The following DHX8 variants were observed in gnomAD, a reference collection of about 807,000 sequenced individuals.
The protein encoded by DHX8 is DEAH-box helicase 8, also known as ATP-dependent RNA helicase DHX8.
Under a neutral mutation model 140.7 loss-of-function variants are expected in DHX8, and 67 were observed. The ratio of observed to expected loss-of-function variants is 0.48; its 90% confidence interval spans 0.39 to 0.58. The LOEUF is 0.58. Among genes scored for constraint, DHX8 ranks in the 20% least tolerant of loss-of-function variants. The probability of loss-of-function intolerance (pLI) is 0.00; values close to 1 mark genes in which losing one functional copy is unlikely to be tolerated. For synonymous variants in DHX8, 533 were observed against 553.2 expected (o/e 0.96, Z 0.51); for missense variants, 887 against 1,550.7 (o/e 0.57, Z 7.19).
At chr17:43,504,342 A>C (rs1969372183) in intron 11 of DHX8, among the ~76,000 whole-genome samples, 1 of 152,140 alleles carries the variant, frequency 6.6e-6, no homozygotes, top group South Asian at 2.1e-4. Flanking sequence ...TGGATGACAG[A>C]GCAAGACCCT....
In DHX8 at chr17:43,504,707, A is replaced by G; in HGVS notation, c.1610A>G (p.Glu537Gly). 1 of 1,614,152 alleles carries G rather than the reference A, an allele frequency of 6.2e-7. No individual in the cohort carries two copies. Among genetic ancestry groups the G allele is most frequent in the Middle Eastern group, 1.6e-4 (1 of 6,062 alleles). The change falls in exon 12 of 23, where the codon GAG becomes GGG. Residue 537 changes from glutamate to glycine, a missense_variant. Glu to Gly is a moderately conservative substitution (Grantham distance 98, BLOSUM62 -2). Transcript: ENST00000262415. ...GGGATGATGCCCAATGATATTCCTGAGTGGAAGAAGCATGCCTTTGGGGGC... is the reference window on the plus strand; with the variant it reads ...GGGATGATGCCCAATGATATTCCTGGGTGGAAGAAGCATGCCTTTGGGGGC... The part of the protein sequence containing the change: ...GIGMMPNDIP[E>G]WKKHAFGGNK...
Position 43,497,347 on chromosome 17 carries a change from T to C in DHX8, c.1300+1079T>C, listed in dbSNP as rs529476048. Among the ~76,000 whole-genome samples the C allele has an allele frequency of 3.3e-5, 5 of 152,364 alleles. No homozygotes were observed. The East Asian group carries it at 5.8e-4, about 18-fold the overall frequency. ...ATCCATTTTACTTTTGATGGACATA[T>C]GAGTTGTTTCTTGGTTTTTGGTTAA... On this transcript the variant is annotated intron_variant, in intron 9 of 22. Coordinates refer to ENST00000262415, the MANE Select transcript of DHX8 (RefSeq NM_004941.3).
At chr17:43,529,105 C>T (rs1970743631), downstream of DHX8, 2 of 1,607,636 alleles carry the variant, frequency 1.2e-6, no homozygotes, top group African/African-American at 1.3e-5. Flanking sequence ...CTGCCCCCCA[C>T]CACCTTGTCC....
chr17:43,529,006 T>C (rs1172461640), downstream of DHX8: 2 of 937,520 alleles, frequency 2.1e-6, no homozygotes, highest in Admixed American at 3.8e-5. Flanking sequence ...CCACAATTTC[T>C]TGTCTCTCTG....
intron 1 of DHX8, among the ~76,000 whole-genome samples, chr17:43,484,869 C>T (rs911235114): frequency 2.0e-5 from 3 of 152,136 alleles, no homozygotes; most frequent in African/African-American, 4.8e-5. Context: ...TCTCGAACTT[C>T]TGGGCTCAAG....
intron 9 of DHX8, among the ~76,000 whole-genome samples, chr17:43,498,446 C>CTT (rs970920782): frequency 6.8e-6 from 1 of 147,964 alleles, no homozygotes; most frequent in Admixed American, 6.8e-5. Context: ...TGCACCCGGC[C>CTT]TTTTTTTTCT....
In DHX8 at chr17:43,493,536, G is replaced by A; in HGVS notation, c.955G>A (p.Val319Ile). ...VADVVSKGQRVKVKVLSFTGT... is the reference protein window; with the variant it reads ...VADVVSKGQRIKVKVLSFTGT... ...TGATGTCGTGAGCAAAGGCCAGAGG[G>A]TCAAAGTCAAAGTGCTGTCCTTCAC... The change falls in exon 7 of 23, where the codon GTC (valine) becomes ATC (isoleucine). Residue 319 changes from valine (V) to isoleucine (I), a missense_variant. Val to Ile is a conservative substitution (Grantham distance 29). This residue lies in a region of DHX8 where 98 missense variants were observed against 152.7 expected (regional missense o/e 0.64). Coordinates refer to ENST00000262415, the MANE Select transcript of DHX8 (RefSeq NM_004941.3). 1 of 1,614,180 alleles carries A rather than the reference G, an allele frequency of 6.2e-7. No individual in the cohort carries two copies. The highest frequency in any genetic ancestry group is 8.5e-7 in the Non-Finnish European group (1 of 1,180,030).
chr17:43,499,842 T>C, intron 10 of DHX8, 114 bp from the exon 11 acceptor site: 1 of 1,173,372 alleles, frequency 8.5e-7, no homozygotes, highest in Non-Finnish European at 1.2e-6. Flanking sequence ...GTCTGTTACA[T>C]TGATAAGAAC....
intron 17 of DHX8, among the ~76,000 whole-genome samples, chr17:43,515,303 C>T (rs1799344403): frequency 6.6e-6 from 1 of 152,200 alleles, no homozygotes; most frequent in African/African-American, 2.4e-5. Context: ...ATTCCTCTGC[C>T]TCAGCCTCCC....
intron 12 of DHX8, among the ~76,000 whole-genome samples, chr17:43,505,562 C>A (rs183840803): frequency 6.6e-6 from 1 of 152,112 alleles, no homozygotes; most frequent in East Asian, 1.9e-4. Flanking sequence ...AAGTGAGACC[C>A]CATATCACAA....
At chr17:43,504,858 G>A (rs1390618334) in intron 12 of DHX8, 33 bp downstream of exon 12, 9 of 1,586,886 alleles carry the variant, frequency 5.7e-6, no homozygotes, top group East Asian at 2.3e-5. Flanking sequence ...TTGGTGGGGA[G>A]TAGGGTTATT....
At position 43,520,254 on chromosome 17, in the gene DHX8, G is replaced by A. The variant is rs1341781601; in HGVS notation, c.2924G>A (p.Arg975His). The change falls in exon 19 of 23, where the codon CGC (arginine) becomes CAC (histidine). Residue 975 changes from arginine (R) to histidine (H), a missense_variant. By Grantham distance (29) the Arg-to-His change is conservative (BLOSUM62 0). Transcript: ENST00000262415. ...GALDDEGLLT[R>H]LGRRMAEFPL... ...CTGGATGACGAGGGCCTGCTCACTC[G>A]CTTGGGCCGCCGGGTAAGGGACAGA... 8 of 1,613,890 alleles carry A rather than the reference G, an allele frequency of 5.0e-6. No individual in the cohort carries two copies. Among genetic ancestry groups the A allele is most frequent in the African/African-American group, 2.7e-5 (2 of 74,918 alleles).
At chr17:43,494,978 A>ATT (rs60973227) in intron 8 of DHX8, among the ~76,000 whole-genome samples, 5 of 150,496 alleles carry the variant, frequency 3.3e-5, no homozygotes, top group African/African-American at 4.9e-5. Flanking sequence ...CGCCCGGCTA[A>ATT]TTTTTTTGAA....
chr17:43,503,094 G>A (rs1009852781), intron 11 of DHX8, among the ~76,000 whole-genome samples: 2 of 152,154 alleles, frequency 1.3e-5, no homozygotes, highest in Non-Finnish European at 2.9e-5. Context: ...TGGGCAAGGT[G>A]GCTCACACCT....
intron 1 of DHX8, among the ~76,000 whole-genome samples, chr17:43,485,007 G>T (rs1243766060): frequency 6.6e-6 from 1 of 152,180 alleles, no homozygotes; most frequent in Non-Finnish European, 1.5e-5. Context: ...CCGAAACTGA[G>T]GAATTAGAAA....
Position 43,517,228 on chromosome 17 carries a change from T to A in DHX8, c.2705T>A (p.Leu902Ter). Residue 902 changes from leucine (L) to a stop codon, truncating the protein, a stop_gained, in exon 18 of 23, where the codon TTG becomes TAG. Coordinates refer to ENST00000262415, the MANE Select transcript of DHX8 (RefSeq NM_004941.3). LOFTEE classifies it high-confidence loss of function. ...ACAGGCCCAGGGAAGTGTTACAGGT[T>A]GTACACAGAACGTGCCTACCGAGAT... ...GRTGPGKCYRLYTERAYRDEM... is the reference protein window; with the variant it reads ...GRTGPGKCYR 1 of 1,614,062 alleles carries A rather than the reference T, an allele frequency of 6.2e-7. No homozygotes were observed. The highest frequency in any genetic ancestry group is 8.5e-7 in the Non-Finnish European group (1 of 1,180,018).
In DHX8 at chr17:43,507,944, A is replaced by G. The variant is rs1269545199; in HGVS notation, c.2245A>G (p.Thr749Ala). ...AACATATCCAGTGGAAATACTGTAC[A>G]CAAAGGAACCTGAGACAGATTATCT... ...GRTYPVEILY[T>A]KEPETDYLDA... The change falls in exon 15 of 23, where the codon ACA becomes GCA. Residue 749 changes from threonine to alanine, a missense_variant. By Grantham distance (58) the Thr-to-Ala change is moderately conservative. This residue lies in a region of DHX8 where 151 missense variants were observed against 388.3 expected (regional missense o/e 0.39). Transcript: ENST00000262415. The G allele has an allele frequency of 6.2e-7, 1 of 1,614,206 alleles. No homozygotes were observed. The highest frequency in any genetic ancestry group is 1.7e-5 in the Admixed American group (1 of 60,030).
intron 17 of DHX8, among the ~76,000 whole-genome samples, chr17:43,516,182 T>C (rs1295757381): frequency 6.6e-6 from 1 of 152,172 alleles, no homozygotes; most frequent in Non-Finnish European, 1.5e-5. Flanking sequence ...TTTTTGAGTA[T>C]TTAATTTTCC....
Position 43,496,250 on chromosome 17 carries a change from A to C in DHX8, c.1282A>C (p.Lys428Gln). 1 of 1,613,356 alleles carries C rather than the reference A, an allele frequency of 6.2e-7. No individual in the cohort carries two copies. Among genetic ancestry groups the C allele is most frequent in the South Asian group, 1.1e-5 (1 of 90,976 alleles). ...TGATGAAGAGACTGGCATTCTCCCTAAGGTGGATGATGAAGAAGGTAACTA... is the reference window on the plus strand; with the variant it reads ...TGATGAAGAGACTGGCATTCTCCCTCAGGTGGATGATGAAGAAGGTAACTA... ...DFDEETGILP[K>Q]VDDEEDEDLE... The change falls in exon 9 of 23, where the codon AAG becomes CAG. Residue 428 changes from lysine (K) to glutamine (Q), a missense_variant. Around this residue, in one of 9 missense-constraint regions of DHX8, gnomAD observed 178 missense variants for 398.5 expected, o/e 0.45. Transcript: ENST00000262415.
Sources: allele counts gnomAD v4.1 joint callset (sites outside exome capture counted in the v4.1 genomes callset), GRCh38; gene constraint gnomAD v4.1.1; regional missense constraint gnomAD v4.1.1; transcripts MANE v1.5; gene names NCBI Gene and HGNC (gene_info 2026-07-23, HGNC 2026-07-21).